MSANTD1: variants seen among roughly 807,000 people sequenced by gnomAD.
The protein encoded by MSANTD1 is Myb/SANT DNA binding domain containing 1.
In MSANTD1, 7 loss-of-function variants were observed where a neutral mutation model predicts 24.2. The observed-to-expected ratio is 0.29, with a 90% confidence interval of 0.16 to 0.54. The LOEUF (loss-of-function observed/expected upper bound fraction) is 0.54. MSANTD1 is among the 20% of genes least tolerant of loss of function. The probability of loss-of-function intolerance (pLI) is 0.94; values close to 1 mark genes in which losing one functional copy is unlikely to be tolerated. For missense variants in MSANTD1, 384 were observed against 408.2 expected, an observed-to-expected ratio of 0.94 and a Z score of 0.51; for synonymous variants, 177 against 181.1, an observed-to-expected ratio of 0.98 and a Z score of 0.18.
upstream of MSANTD1, among the ~76,000 whole-genome samples, chr4:3,246,365 C>A (rs1012918476): frequency 6.6e-6 from 1 of 152,252 alleles, no homozygotes; most frequent in Non-Finnish European, 1.5e-5. Flanking sequence ...GCTGCCCCCA[C>A]CCTTGGTCAG....
intron 1 of MSANTD1, among the ~76,000 whole-genome samples, chr4:3,252,350 G>A (rs1722253245): frequency 6.6e-6 from 1 of 152,252 alleles, no homozygotes; most frequent in South Asian, 2.1e-4. Context: ...GCCTCTCAGG[G>A]CAGGACCTGT....
Position 3,256,165 on chromosome 4 carries a change from C to G in MSANTD1, c.*200C>G. The G allele has an allele frequency of 1.7e-6, 1 of 575,742 alleles. No homozygotes were observed. Among genetic ancestry groups the G allele is most frequent in the South Asian group, 2.9e-5 (1 of 34,484 alleles). 35.7% of individuals were successfully genotyped at this position (575,742 alleles called of 1,614,324 possible). On this transcript the variant is annotated 3_prime_UTR_variant, in exon 3 of 3. Coordinates refer to ENST00000438480, the MANE Select transcript of MSANTD1 (RefSeq NM_001042690.2). ...CCTGGGGACCGTGAGGCTCCAGTCT[C>G]CAGCATGAATGCCCTTCCTCGGACA...
intron 1 of MSANTD1, 44 bp from the exon 2 acceptor site, chr4:3,253,163 C>T (rs754109874): frequency 2.0e-6 from 3 of 1,498,522 alleles, no homozygotes; most frequent in East Asian, 2.5e-5. Flanking sequence ...AGGGGCTGGG[C>T]CAGCTCTGTT....
chr4:3,250,988 C>T (rs7699037), intron 1 of MSANTD1, among the ~76,000 whole-genome samples: 18,350 of 152,316 alleles, frequency 0.12, 1,572 homozygotes, highest in African/African-American at 0.24. Flanking sequence ...AGGAGGGGTC[C>T]GGGGCCTGGC....
In MSANTD1 at chr4:3,249,185, A is replaced by G; in HGVS notation, c.-38A>G. The stretch of plus-strand genomic sequence containing the variant: ...GATGTAGGCCCCATTTTGAGCGTGG[A>G]GCTGCCTTCGAGCGAGCGTGAGCGG... On this transcript the variant is annotated 5_prime_UTR_variant, in exon 1 of 3. Transcript: ENST00000438480. 1 of 1,334,550 alleles carries G rather than the reference A, an allele frequency of 7.5e-7. No individual in the cohort carries two copies. Among genetic ancestry groups the G allele is most frequent in the South Asian group, 2.1e-5 (1 of 47,978 alleles). 82.7% of individuals were successfully genotyped at this position (1,334,550 alleles called of 1,614,324 possible).
upstream of MSANTD1, chr4:3,246,725 A>G (rs1330215610): frequency 4.5e-6 from 3 of 672,390 alleles, no homozygotes. Flanking sequence ...AGGCAGGAGC[A>G]GCTGGGTGCC....
At chr4:3,245,841 C>T (rs1427450645), upstream of MSANTD1, among the ~76,000 whole-genome samples, 3 of 152,338 alleles carry the variant, frequency 2.0e-5, no homozygotes, top group Middle Eastern at 3.4e-3. Context: ...CTACACCAGG[C>T]CTCCAGGTGT....
upstream of MSANTD1, chr4:3,248,718 GC>G (rs1426348620): frequency 6.5e-6 from 1 of 153,336 alleles, no homozygotes; most frequent in African/African-American, 2.4e-5. Flanking sequence ...CCAGGGCCCA[GC>G]CCCAGTTCAG....
Position 3,256,061 on chromosome 4 carries a change from C to A in MSANTD1, c.*96C>A, listed in dbSNP as rs1722383050. ...TCAGGCCAGGCGGGCAAGGGGGCCG[C>A]CCCGCGAGCGGAGACCGCCTTCCAC... On this transcript the variant is annotated 3_prime_UTR_variant, in exon 3 of 3. Transcript: ENST00000438480. 7 of 1,376,082 alleles carry A rather than the reference C, an allele frequency of 5.1e-6. No homozygotes were observed. The South Asian group carries it at 6.4e-5, about 13-fold the overall frequency. 85.2% of individuals were successfully genotyped at this position (1,376,082 alleles called of 1,614,324 possible).
Position 3,249,255 on chromosome 4 carries a change from G to A in MSANTD1, c.33G>A (p.Leu11=). MVRGAGPGPS[L]SALSHPTGAS... ...GTGGGGCCGGGCCGGGGCCCTCGCT[G>A]AGCGCGCTCTCTCACCCCACAGGCG... is the stretch of plus-strand genomic sequence containing the variant. Residue 11 remains leucine (L), a synonymous_variant, in exon 1 of 3, where the codon CTG becomes CTA. Transcript: ENST00000438480. 6.8e-7 allele frequency: 1 copy of A among 1,466,504 alleles called. No homozygotes were observed. The highest frequency in any genetic ancestry group is 1.4e-5 in the African/African-American group (1 of 70,666). 90.8% of individuals were successfully genotyped at this position (1,466,504 alleles called of 1,614,324 possible).
upstream of MSANTD1, chr4:3,248,928 G>C (rs1722120848): frequency 3.1e-6 from 1 of 326,238 alleles, no homozygotes; most frequent in Non-Finnish European, 5.5e-6. Flanking sequence ...CTGAACTGGG[G>C]GCCGATCCGC....
chr4:3,252,959 C>T (rs1172606442), intron 1 of MSANTD1, among the ~76,000 whole-genome samples: 2 of 152,178 alleles, frequency 1.3e-5, no homozygotes, highest in Admixed American at 6.5e-5. Flanking sequence ...CACAGATAAC[C>T]TTAGTAATAC....
At chr4:3,248,992 GC>G (rs1398855236), upstream of MSANTD1, 1 of 397,868 alleles carries the variant, frequency 2.5e-6, no homozygotes, top group Non-Finnish European at 4.3e-6. Flanking sequence ...TTTGGGCCTG[GC>G]CCGCTCGCCG....
In MSANTD1 at chr4:3,256,028, C is replaced by G. The variant is rs1417488400; in HGVS notation, c.*63C>G. ...GTGGTACTGCTCAGGCCACCCAGGG[C>G]AGGCCACTCAGGCCAGGCGGGCAAG... is the stretch of plus-strand genomic sequence containing the variant. On this transcript the variant is annotated 3_prime_UTR_variant, in exon 3 of 3. Transcript: ENST00000438480. 59 of 1,415,620 alleles carry G rather than the reference C, an allele frequency of 4.2e-5. No individual in the cohort carries two copies. Among genetic ancestry groups the G allele is most frequent in the Non-Finnish European group, 5.1e-5 (56 of 1,090,468 alleles). 87.7% of individuals were successfully genotyped at this position (1,415,620 alleles called of 1,614,324 possible).
intron 1 of MSANTD1, among the ~76,000 whole-genome samples, chr4:3,252,971 G>A (rs1722273816): frequency 6.6e-6 from 1 of 152,184 alleles, no homozygotes; most frequent in African/African-American, 2.4e-5. Flanking sequence ...TAGTAATACT[G>A]GGACGTGTGC....
chr4:3,246,512 C>G, upstream of MSANTD1: 1 of 546,586 alleles, frequency 1.8e-6, no homozygotes, highest in African/African-American at 1.9e-5. Context: ...AGCCTGAGCC[C>G]AGCAGGGCCC....
chr4:3,250,173 T>G (rs1293611123), intron 1 of MSANTD1, among the ~76,000 whole-genome samples: 1 of 151,530 alleles, frequency 6.6e-6, no homozygotes, highest in Non-Finnish European at 1.5e-5. Flanking sequence ...AGCCAGCGCA[T>G]GGGTGGGGCT....
At chr4:3,246,617 C>G (rs1722035161), upstream of MSANTD1, 1 of 691,508 alleles carries the variant, frequency 1.4e-6, no homozygotes, top group Admixed American at 2.0e-5. Flanking sequence ...GCCTCTGGCC[C>G]TAGGAGACCC....
upstream of MSANTD1, chr4:3,248,881 C>T (rs751387771): frequency 6.7e-5 from 17 of 253,696 alleles, no homozygotes; most frequent in Non-Finnish European, 1.0e-4. Context: ...TGTTCCCACC[C>T]GAGGCCCCCT....
Sources: allele counts gnomAD v4.1 joint callset (sites outside exome capture counted in the v4.1 genomes callset), GRCh38; gene constraint gnomAD v4.1.1; transcripts MANE v1.5; gene names NCBI Gene and HGNC (gene_info 2026-07-23, HGNC 2026-07-21).